The following PCGF6 variants were observed in gnomAD, a reference collection of about 807,000 sequenced individuals.
PCGF6 encodes polycomb group ring finger 6.
In PCGF6, 24 loss-of-function variants were observed where a neutral mutation model predicts 45.5. That is an observed-to-expected ratio of 0.53 (90% CI 0.38 to 0.74). The LOEUF (loss-of-function observed/expected upper bound fraction) is 0.74, where lower values mean the gene tolerates loss of function less well. PCGF6 is among the 30% of genes least tolerant of loss of function. The pLI is 0.00. For missense variants in PCGF6, 356 were observed against 443.2 expected, an observed-to-expected ratio of 0.80 and a Z score of 1.77; for synonymous variants, 152 against 162.1, an observed-to-expected ratio of 0.94 and a Z score of 0.47.
intron 8 of PCGF6, among the ~76,000 whole-genome samples, chr10:103,320,465 T>C (rs536240720): frequency 1.8e-4 from 28 of 152,268 alleles, no homozygotes; most frequent in African/African-American, 6.3e-4. Context: ...GGTGGGCAGA[T>C]TGCCTGAGGC....
chr10:103,319,176 G>A (rs2093187453), intron 8 of PCGF6, among the ~76,000 whole-genome samples: 1 of 152,128 alleles, frequency 6.6e-6, no homozygotes, highest in African/African-American at 2.4e-5. Flanking sequence ...TCGAGATGGA[G>A]TCTCACTCTG....
chr10:103,348,940 G>A lies in PCGF6; in HGVS notation c.420C>T (p.Tyr140=), dbSNP rs1291862049. 1 of 1,613,726 alleles carries A rather than the reference G, an allele frequency of 6.2e-7. No homozygotes were observed. Among genetic ancestry groups the A allele is most frequent in the Non-Finnish European group, 8.5e-7 (1 of 1,179,762 alleles). ...CTGTGATGGTAGTTGCATCTATTAA[G>A]TAACCTTTGCAAATGGAACACAAGA... ...PYILCSICKG[Y]LIDATTITEC... is the part of the protein sequence containing the mutation. The change falls in exon 2 of 10, where the codon TAC becomes TAT. Residue 140 remains tyrosine (Y), a synonymous_variant. Coordinates refer to ENST00000369847, the MANE Select transcript of PCGF6 (RefSeq NM_001011663.2).
Position 103,331,735 on chromosome 10 carries a change from T to C in PCGF6, c.810+2190A>G, listed in dbSNP as rs904090760. Reference sequence around the variant, plus strand: ...GCTGAAGAAACAGAATTGGTTGCTATGTAGTTTTCCACTATCTTGATCTGG... The same window carrying C: ...GCTGAAGAAACAGAATTGGTTGCTACGTAGTTTTCCACTATCTTGATCTGG... On this transcript the variant is annotated intron_variant, in intron 7 of 9. Coordinates refer to ENST00000369847, the MANE Select transcript of PCGF6 (RefSeq NM_001011663.2). Among the ~76,000 whole-genome samples, 6 of 152,246 alleles carry C rather than the reference T, an allele frequency of 3.9e-5. No individual in the cohort carries two copies. In the South Asian group the frequency reaches 6.2e-4, roughly 16 times the overall value.
intron 6 of PCGF6, among the ~76,000 whole-genome samples, chr10:103,340,391 G>A (rs1411365630): frequency 6.6e-6 from 1 of 151,790 alleles, no homozygotes; most frequent in African/African-American, 2.4e-5. Context: ...GGTAATGACT[G>A]CCTTGAGCAG....
chr10:103,315,165 G>T (rs1387327808), intron 8 of PCGF6, among the ~76,000 whole-genome samples: 1 of 151,994 alleles, frequency 6.6e-6, no homozygotes, highest in African/African-American at 2.4e-5. Flanking sequence ...CAGCCCTTTG[G>T]TAATTGCAAA....
intron 7 of PCGF6, among the ~76,000 whole-genome samples, chr10:103,330,330 C>G (rs1379305999): frequency 6.6e-6 from 1 of 152,054 alleles, no homozygotes; most frequent in Non-Finnish European, 1.5e-5. Context: ...CCGTCCTGGT[C>G]TCCTAAAGTG....
chr10:103,332,096 A>G (rs1487918709), intron 7 of PCGF6, among the ~76,000 whole-genome samples: 3 of 152,114 alleles, frequency 2.0e-5, no homozygotes, highest in South Asian at 2.1e-4. Flanking sequence ...CCGGCCTAAT[A>G]CATCTCTGTG....
chr10:103,346,759 C>T (rs2093301278), intron 5 of PCGF6, among the ~76,000 whole-genome samples: 1 of 152,294 alleles, frequency 6.6e-6, no homozygotes, highest in Non-Finnish European at 1.5e-5. Context: ...CACAGCATTG[C>T]ACTCCAGCCT....
At chr10:103,332,930 C>T (rs2093245335) in intron 7 of PCGF6, among the ~76,000 whole-genome samples, 2 of 152,022 alleles carry the variant, frequency 1.3e-5, no homozygotes, top group Admixed American at 1.3e-4. Context: ...GCCTGGCCAA[C>T]ATGGTGAAAC....
At chr10:103,308,852 C>CAG (rs374799115) in intron 9 of PCGF6, among the ~76,000 whole-genome samples, 4 of 151,434 alleles carry the variant, frequency 2.6e-5, no homozygotes, top group Non-Finnish European at 5.9e-5. Flanking sequence ...ACCTGAGTGA[C>CAG]AGAGAGAGAG....
intron 3 of PCGF6, chr10:103,348,280 A>G (rs2093306979): frequency 6.3e-6 from 1 of 157,538 alleles, no homozygotes; most frequent in African/African-American, 2.4e-5. Context: ...TGCTCTATAC[A>G]TATTTCTTAA....
At chr10:103,349,075 G>A (rs1592080451) in intron 1 of PCGF6, 76 bp from the exon 2 acceptor site, 2 of 1,256,140 alleles carry the variant, frequency 1.6e-6, no homozygotes, top group South Asian at 1.4e-5. Context: ...TTGAGACAGA[G>A]TCTCACTCTG....
chr10:103,316,790 C>T (rs2093177651), intron 8 of PCGF6, among the ~76,000 whole-genome samples: 1 of 152,036 alleles, frequency 6.6e-6, no homozygotes, highest in African/African-American at 2.4e-5. Context: ...AATTTAAAAG[C>T]TAGTAAGTCT....
intron 5 of PCGF6, among the ~76,000 whole-genome samples, chr10:103,345,423 G>A (rs949745446): frequency 6.6e-6 from 1 of 152,024 alleles, no homozygotes; most frequent in African/African-American, 2.4e-5. Flanking sequence ...GCACTACTAT[G>A]TGTCAGGGCT....
At chr10:103,348,008 C>A (rs1592079705) in intron 3 of PCGF6, among the ~76,000 whole-genome samples, 1 of 146,948 alleles carries the variant, frequency 6.8e-6, no homozygotes, top group Non-Finnish European at 1.5e-5. Flanking sequence ...GTATTTTTCC[C>A]TCTCTTAAGA....
chr10:103,347,258 CCT>C lies in PCGF6; in HGVS notation c.651_652del (p.Gly218SerfsTer5). On this transcript the variant is annotated frameshift_variant, in exon 5 of 10. Coordinates refer to ENST00000369847, the MANE Select transcript of PCGF6 (RefSeq NM_001011663.2). LOFTEE classifies it high-confidence loss of function. ...CTTACCAGGTTTAGGTACTTCTAGA[CCT>C]CTTTCTTTATAGAAATCATGCATTT... is the stretch of plus-strand genomic sequence containing the variant. 6.2e-7 allele frequency: 1 copy of C among 1,608,140 alleles called. No homozygotes were observed. The highest frequency in any genetic ancestry group is 8.5e-7 in the Non-Finnish European group (1 of 1,174,834).
chr10:103,321,236 T>C (rs2093196167), intron 8 of PCGF6, among the ~76,000 whole-genome samples: 2 of 152,262 alleles, frequency 1.3e-5, no homozygotes, highest in African/African-American at 4.8e-5. Context: ...CTCCCAAGCT[T>C]AGGTGATCCT....
intron 7 of PCGF6, among the ~76,000 whole-genome samples, chr10:103,328,030 T>A (rs1231889610): frequency 1.3e-5 from 2 of 152,056 alleles, no homozygotes; most frequent in African/African-American, 4.8e-5. Flanking sequence ...CACATGTGGC[T>A]GGAATGTGGG....
chr10:103,336,931 C>A (rs941355034), intron 6 of PCGF6, among the ~76,000 whole-genome samples: 32 of 152,112 alleles, frequency 2.1e-4, no homozygotes, highest in Non-Finnish European at 4.4e-4. Flanking sequence ...CACCCTGTAA[C>A]ATATACCTAG....
Sources: allele counts gnomAD v4.1 joint callset (sites outside exome capture counted in the v4.1 genomes callset), GRCh38; gene constraint gnomAD v4.1.1; transcripts MANE v1.5; gene names NCBI Gene and HGNC (gene_info 2026-07-23, HGNC 2026-07-21).